The following SDK1 variants were observed in gnomAD, a reference collection of about 807,000 sequenced individuals.
The protein encoded by SDK1 is sidekick cell adhesion molecule 1, also known as protein sidekick-1.
SDK1 carries 157 observed loss-of-function variants against 245.5 expected under a neutral mutation model. The observed-to-expected ratio is 0.64, with a 90% CI of 0.56 to 0.73. The LOEUF (loss-of-function observed/expected upper bound fraction) is 0.73. SDK1 is among the 30% of genes least tolerant of loss of function. SDK1 has a pLI of 0.00. For missense variants in SDK1, 3,583 were observed against 3,002.3 expected (o/e 1.19, Z -4.52); for synonymous variants, 1,647 against 1,278.5 (o/e 1.29, Z -6.15).
intron 1 of SDK1, among the ~76,000 whole-genome samples, chr7:3,532,944 A>G (rs985641209): frequency 6.6e-6 from 1 of 152,200 alleles, no homozygotes; most frequent in Non-Finnish European, 1.5e-5. Context: ...CACTCAGAAA[A>G]AAGTAGCAAA....
intron 5 of SDK1, 73 bp downstream of exon 5, chr7:3,821,656 C>T (rs1779649068): frequency 3.3e-6 from 5 of 1,509,744 alleles, no homozygotes; most frequent in African/African-American, 2.8e-5. Flanking sequence ...CACTGTCTGA[C>T]AGGACATTTT....
chr7:4,179,685 G>A (rs1012201711), intron 35 of SDK1, among the ~76,000 whole-genome samples: 3 of 151,980 alleles, frequency 2.0e-5, no homozygotes, highest in Non-Finnish European at 4.4e-5. Flanking sequence ...GGATGGACCT[G>A]GCTGTAGAGG....
chr7:4,171,811 C>T (rs1244942799), intron 32 of SDK1, among the ~76,000 whole-genome samples: 1 of 152,220 alleles, frequency 6.6e-6, no homozygotes, highest in African/African-American at 2.4e-5. Context: ...CAGCGGGAGT[C>T]CTCGGACCTG....
intron 22 of SDK1, among the ~76,000 whole-genome samples, chr7:4,096,982 C>T (rs915771659): frequency 1.3e-5 from 2 of 152,224 alleles, no homozygotes; most frequent in South Asian, 2.1e-4. Context: ...ACAGTGCACT[C>T]GAGCAGAATC....
chr7:4,188,422 G>A (rs1783010170), intron 35 of SDK1, among the ~76,000 whole-genome samples: 1 of 152,166 alleles, frequency 6.6e-6, no homozygotes, highest in African/African-American at 2.4e-5. Context: ...GGATTCTCAA[G>A]CCTGGTCTCC....
At chr7:3,768,426 TAAAA>T (rs1388857375) in intron 4 of SDK1, among the ~76,000 whole-genome samples, 1 of 152,144 alleles carries the variant, frequency 6.6e-6, no homozygotes, top group Admixed American at 6.5e-5. Flanking sequence ...GGAAAATAAA[TAAAA>T]ATCAGTAACT....
chr7:4,223,058 G>T (rs528040958), intron 40 of SDK1, among the ~76,000 whole-genome samples: 1 of 151,730 alleles, frequency 6.6e-6, no homozygotes, highest in East Asian at 1.9e-4. Context: ...CTTCCAGCCT[G>T]GGTGACAGAG....
Position 3,904,282 on chromosome 7 carries a change from G to A in SDK1, c.848-46641G>A, listed in dbSNP as rs180952761. Among the ~76,000 whole-genome samples, 204 of 152,334 alleles carry A rather than the reference G, an allele frequency of 1.3e-3. 1 individual carries two copies. The highest frequency in any genetic ancestry group is 4.8e-3 in the African/African-American group (199 of 41,588). ...TAGAGTAGTAGTTCCCAGGGGCTGT[G>A]GGGAGAGGGGCAATGGAAAGTGAGT... On this transcript the variant is annotated intron_variant, in intron 5 of 44. Coordinates refer to ENST00000404826, the MANE Select transcript of SDK1 (RefSeq NM_152744.4).
At chr7:3,693,860 C>T (rs1784501812) in intron 4 of SDK1, among the ~76,000 whole-genome samples, 1 of 152,074 alleles carries the variant, frequency 6.6e-6, no homozygotes, top group South Asian at 2.1e-4. Context: ...GTCCCCGCAG[C>T]CATCTCATTT....
intron 4 of SDK1, among the ~76,000 whole-genome samples, chr7:3,687,535 G>A (rs79257790): frequency 2.7e-4 from 41 of 152,292 alleles, no homozygotes; most frequent in African/African-American, 6.0e-4. Context: ...ACGCTGCTTC[G>A]CACTGAAAAG....
At chr7:4,012,853 A>G (rs1299687092) in intron 16 of SDK1, among the ~76,000 whole-genome samples, 2 of 152,020 alleles carry the variant, frequency 1.3e-5, no homozygotes, top group Non-Finnish European at 2.9e-5. Context: ...CTGGGATTAC[A>G]GGCGTGAGGC....
chr7:3,374,303 T>G (rs146274442), intron 1 of SDK1, among the ~76,000 whole-genome samples: 2 of 152,188 alleles, frequency 1.3e-5, no homozygotes, highest in Admixed American at 6.5e-5. Flanking sequence ...TCTGGAAGAC[T>G]TGTGACTTCT....
intron 1 of SDK1, among the ~76,000 whole-genome samples, chr7:3,395,271 C>T (rs1781865321): frequency 6.6e-6 from 1 of 151,844 alleles, no homozygotes; most frequent in Admixed American, 6.6e-5. Context: ...TGATGCATTA[C>T]TTTAATTGAT....
chr7:4,123,164 G>T lies in SDK1; in HGVS notation c.3824-4217G>T, dbSNP rs1367229758. On this transcript the variant is annotated intron_variant, in intron 25 of 44. Coordinates refer to ENST00000404826, the MANE Select transcript of SDK1 (RefSeq NM_152744.4). ...GGGCACTCACAGTTTCCCACAGGAA[G>T]CAGTTAAAGATTACAGAAGTAGACC... 2.0e-5 allele frequency among the ~76,000 whole-genome samples: 3 copies of T among 152,212 alleles called. No homozygotes were observed. In the East Asian group the frequency reaches 5.8e-4, roughly 29 times the overall value.
Position 4,201,546 on chromosome 7 carries a change from A to G in SDK1, c.5099-4333A>G, listed in dbSNP as rs555317706. 4.6e-5 allele frequency among the ~76,000 whole-genome samples: 7 copies of G among 152,314 alleles called. No homozygotes were observed. The East Asian group carries it at 5.8e-4, about 13-fold the overall frequency. On this transcript the variant is annotated intron_variant, in intron 35 of 44. Coordinates refer to ENST00000404826, the MANE Select transcript of SDK1 (RefSeq NM_152744.4). ...ATCCATTAAAACCTTGCTTTACCCAAACAGTCAGTCAATGGGCTACAGAAA... is the reference window on the plus strand; with the variant it reads ...ATCCATTAAAACCTTGCTTTACCCAGACAGTCAGTCAATGGGCTACAGAAA...
rs528690079 is a variant in SDK1 at position 3,491,387 on chromosome 7, C to T, written c.299-127693C>T. Among the ~76,000 whole-genome samples the T allele has an allele frequency of 3.2e-4, 48 of 152,274 alleles. 1 individual carries two copies. In the South Asian group the frequency reaches 9.3e-3, roughly 30 times the overall value. ...ATCAGTATTTTGCAAAGTTCCCAAA[C>T]GATGTCAGTGTTTAGCCAAATATGA... On this transcript the variant is annotated intron_variant, in intron 1 of 44. Transcript: ENST00000404826.
intron 1 of SDK1, among the ~76,000 whole-genome samples, chr7:3,395,330 T>G (rs1197220291): frequency 2.6e-5 from 4 of 152,112 alleles, no homozygotes; most frequent in Non-Finnish European, 5.9e-5. Context: ...AAAAGATGGC[T>G]TATCATCTTT....
intron 1 of SDK1, among the ~76,000 whole-genome samples, chr7:3,576,256 C>A (rs945576067): frequency 3.3e-5 from 5 of 152,146 alleles, no homozygotes; most frequent in African/African-American, 7.2e-5. Flanking sequence ...CCCAAATAGG[C>A]TCCTTGGCGT....
At chr7:4,038,222 G>A (rs1436311095) in intron 17 of SDK1, among the ~76,000 whole-genome samples, 1 of 152,188 alleles carries the variant, frequency 6.6e-6, no homozygotes, top group Non-Finnish European at 1.5e-5. Context: ...GATCGACTGA[G>A]GCCTCAGCTA....
Sources: allele counts gnomAD v4.1 joint callset (sites outside exome capture counted in the v4.1 genomes callset), GRCh38; gene constraint gnomAD v4.1.1; transcripts MANE v1.5; gene names NCBI Gene and HGNC (gene_info 2026-07-23, HGNC 2026-07-21).